Variants in HSPA12A observed in about 807,000 individuals in gnomAD.
HSPA12A encodes heat shock 70 kDa protein 12A.
Under a neutral mutation model 69.2 loss-of-function variants are expected in HSPA12A, and 28 were observed. That is an observed-to-expected ratio of 0.40 (90% CI 0.30 to 0.55). The LOEUF (loss-of-function observed/expected upper bound fraction) is 0.55. Among genes scored for constraint, HSPA12A ranks in the 20% least tolerant of loss-of-function variants. HSPA12A has a pLI of 0.38. For synonymous variants in HSPA12A, 345 were observed against 370.5 expected (o/e 0.93, Z 0.79); for missense variants, 686 against 900.7 (o/e 0.76, Z 3.05).
intron 2 of HSPA12A, among the ~76,000 whole-genome samples, chr10:116,820,194 A>G (rs1328031256): frequency 6.6e-6 from 1 of 152,244 alleles, no homozygotes; most frequent in Non-Finnish European, 1.5e-5. Context: ...CAAATATGAC[A>G]TGATCAGCAA....
At chr10:116,841,547 T>G (rs2133222779) in intron 1 of HSPA12A, among the ~76,000 whole-genome samples, 1 of 152,316 alleles carries the variant, frequency 6.6e-6, no homozygotes, top group Admixed American at 6.5e-5. Flanking sequence ...GTATAGAAAT[T>G]TAATCTAACA....
chr10:116,776,751 C>T (rs1325647322), intron 2 of HSPA12A, among the ~76,000 whole-genome samples: 28 of 152,152 alleles, frequency 1.8e-4, no homozygotes, highest in Non-Finnish European at 1.3e-4. Context: ...ATATACAATG[C>T]TTAAAACTCT....
chr10:116,734,735 T>C (rs1851262139), intron 1 of HSPA12A, among the ~76,000 whole-genome samples: 1 of 150,548 alleles, frequency 6.6e-6, no homozygotes, highest in Admixed American at 6.7e-5. Context: ...GGCTCATGCC[T>C]GTAATCCCAG....
chr10:116,849,917 A>T (rs1020913172), upstream of HSPA12A: 2 of 752,130 alleles, frequency 2.7e-6, no homozygotes, highest in African/African-American at 3.5e-5. Context: ...GGGTGAAGGG[A>T]TCTCCCCAGA....
chr10:116,797,000 C>G (rs542686339), intron 2 of HSPA12A, among the ~76,000 whole-genome samples: 8 of 152,190 alleles, frequency 5.3e-5, no homozygotes, highest in African/African-American at 9.7e-5. Context: ...TTGCTGCCCC[C>G]GGGAACTCTT....
intron 1 of HSPA12A, among the ~76,000 whole-genome samples, chr10:116,724,878 T>C (rs1554884804): frequency 6.6e-6 from 1 of 151,988 alleles, no homozygotes; most frequent in Non-Finnish European, 1.5e-5. Context: ...GGACCCCCAG[T>C]CTCTAACAGC....
chr10:116,782,587 A>G (rs1332991510), intron 2 of HSPA12A, among the ~76,000 whole-genome samples: 1 of 152,242 alleles, frequency 6.6e-6, no homozygotes, highest in Non-Finnish European at 1.5e-5. Flanking sequence ...GGAGCAAAAG[A>G]AAAAGCAAGT....
intron 4 of HSPA12A, 140 bp downstream of exon 4, chr10:116,700,803 G>A (rs557531383): frequency 2.7e-6 from 2 of 740,368 alleles, no homozygotes; most frequent in Admixed American, 2.4e-5. Context: ...CTAAAATCAA[G>A]GTAAATGGAC....
intron 2 of HSPA12A, chr10:116,834,817 G>T: frequency 2.2e-6 from 1 of 448,270 alleles, no homozygotes; most frequent in Non-Finnish European, 3.5e-6. Context: ...TCTTACACGT[G>T]CAGAAGTTTA....
At chr10:116,757,393 C>T (rs1446166331) in intron 2 of HSPA12A, among the ~76,000 whole-genome samples, 2 of 152,166 alleles carry the variant, frequency 1.3e-5, no homozygotes, top group African/African-American at 4.8e-5. Context: ...CACCAGAAAC[C>T]GTCCATGTAG....
Position 116,679,738 on chromosome 10 carries a change from C to T in HSPA12A, c.1051G>A (p.Val351Ile). 1 of 1,614,078 alleles carries T rather than the reference C, an allele frequency of 6.2e-7. No individual in the cohort carries two copies. Among genetic ancestry groups the T allele is most frequent in the Admixed American group, 1.7e-5 (1 of 60,016 alleles). The change falls in exon 10 of 12, where the codon GTA becomes ATA. Residue 351 changes from valine to isoleucine, a missense_variant. Coordinates refer to ENST00000369209, the MANE Select transcript of HSPA12A (RefSeq NM_025015.3). ...AGAAGTTTTTCGAACTCATAATCTA[C>T]TCCTAAAGATCCATAGGGTCCGCCT... is the stretch of plus-strand genomic sequence containing the variant. The part of the protein sequence containing the change: ...ATGGPYGSLG[V>I]DYEFEKLLYK...
intron 2 of HSPA12A, among the ~76,000 whole-genome samples, chr10:116,767,034 C>A (rs1341146294): frequency 6.6e-6 from 1 of 152,110 alleles, no homozygotes; most frequent in Non-Finnish European, 1.5e-5. Flanking sequence ...TCTGCCCCTG[C>A]AGTTCATGAC....
At chr10:116,819,509 G>A (rs896754491) in intron 2 of HSPA12A, among the ~76,000 whole-genome samples, 10 of 152,154 alleles carry the variant, frequency 6.6e-5, no homozygotes, top group Non-Finnish European at 8.8e-5. Context: ...GAGAGCTGAC[G>A]GAGCTTGTTC....
chr10:116,757,639 T>C (rs10736260), intron 2 of HSPA12A, among the ~76,000 whole-genome samples: 131,233 of 152,206 alleles, frequency 0.86, 57,520 homozygotes, highest in Non-Finnish European at 0.94. Context: ...TTAAGAGCAC[T>C]GGCCTGGGTT....
chr10:116,771,608 G>C (rs1023746858), intron 2 of HSPA12A, among the ~76,000 whole-genome samples: 1 of 152,224 alleles, frequency 6.6e-6, no homozygotes, highest in African/African-American at 2.4e-5. Context: ...AGGATGGGAC[G>C]GCAATTGCGA....
At position 116,671,819 on chromosome 10, in the gene HSPA12A, G is replaced by A. The variant is rs1277124950; in HGVS notation, c.*2962C>T. ...CAGGGACAATTGAGTAATGGGTCAA[G>A]ACAACAGGCCTTGTAGGTATTTTCT... On this transcript the variant is annotated 3_prime_UTR_variant, in exon 12 of 12. Coordinates refer to ENST00000369209, the MANE Select transcript of HSPA12A (RefSeq NM_025015.3). 2.6e-5 allele frequency: 4 copies of A among 152,650 alleles called. No homozygotes were observed. The highest frequency in any genetic ancestry group is 2.0e-4 in the Admixed American group (3 of 15,280). The allele number at this position is 152,650 out of a possible 1,614,324, so 9.5% of individuals were successfully genotyped here. A position where few individuals can be genotyped will look rare whatever the true frequency, so the allele number is the denominator to read the frequency against.
rs186844045 is a variant in HSPA12A, at chr10:116,810,996, G to A, written c.91+23939C>T. 8.9e-4 allele frequency among the ~76,000 whole-genome samples: 136 copies of A among 152,210 alleles called. 6 individuals carry two copies. Among genetic ancestry groups the A allele is most frequent in the Admixed American group, 7.8e-3 (120 of 15,294 alleles). ...AAACAACAAAACAAAGATAATCACCGGCTGTAGTTAGTGCCACAAGGGAAA... is the reference window on the plus strand; with the variant it reads ...AAACAACAAAACAAAGATAATCACCAGCTGTAGTTAGTGCCACAAGGGAAA... On this transcript the variant is annotated intron_variant, in intron 2 of 12. Coordinates refer to the HSPA12A transcript ENST00000635765.
intron 1 of HSPA12A, among the ~76,000 whole-genome samples, chr10:116,836,396 T>C (rs1399183520): frequency 6.6e-6 from 1 of 152,192 alleles, no homozygotes; most frequent in African/African-American, 2.4e-5. Context: ...CCATGGAGCC[T>C]GCAGCACTGG....
At chr10:116,836,920 C>T (rs7072698) in intron 1 of HSPA12A, among the ~76,000 whole-genome samples, 1 of 151,976 alleles carries the variant, frequency 6.6e-6, no homozygotes, top group Non-Finnish European at 1.5e-5. Context: ...CATATAGGGT[C>T]CAGTGTGATT....
Sources: allele counts gnomAD v4.1 joint callset (sites outside exome capture counted in the v4.1 genomes callset), GRCh38; gene constraint gnomAD v4.1.1; transcripts MANE v1.5; gene names NCBI Gene and HGNC (gene_info 2026-07-23, HGNC 2026-07-21).